The following ZNF407 variants were observed in gnomAD, a reference collection of about 807,000 sequenced individuals.
ZNF407 encodes zinc finger protein 407.
ZNF407 carries 17 observed loss-of-function variants against 131.2 expected under a neutral mutation model. That is an observed-to-expected ratio of 0.13 (90% CI 0.09 to 0.19). ZNF407 has a LOEUF of 0.19. Ranked by LOEUF, ZNF407 falls within the 10% of genes least tolerant of loss-of-function variation. The pLI is 1.00. For synonymous variants in ZNF407, 1,156 were observed against 1,062.0 expected (o/e 1.09, Z -1.72); for missense variants, 2,681 against 2,830.6 (o/e 0.95, Z 1.20).
chr18:74,810,311 T>C (rs1216880634), intron 4 of ZNF407, among the ~76,000 whole-genome samples: 1 of 151,156 alleles, frequency 6.6e-6, no homozygotes, highest in South Asian at 2.1e-4. Context: ...TAAATCTGAG[T>C]GCCAAAAGTT....
intron 3 of ZNF407, among the ~76,000 whole-genome samples, chr18:74,652,725 C>T (rs1030770342): frequency 1.3e-5 from 2 of 149,672 alleles, no homozygotes; most frequent in African/African-American, 5.0e-5. Flanking sequence ...TCTGAAAAAT[C>T]AAAACAAAGA....
intron 3 of ZNF407, among the ~76,000 whole-genome samples, chr18:74,693,866 T>C (rs1967287647): frequency 6.6e-6 from 1 of 152,216 alleles, no homozygotes; most frequent in Non-Finnish European, 1.5e-5. Flanking sequence ...TTCAGTTGTG[T>C]ATATATTAGC....
chr18:74,664,775 A>T lies in ZNF407; in HGVS notation c.4802+23653A>T, dbSNP rs558865488. Reference sequence around the variant, plus strand: ...ACCCTCTCTTATAGCATAGAATCCCAGTGCATCTGTTTTTGGCGCTGCGTA... The same window carrying T: ...ACCCTCTCTTATAGCATAGAATCCCTGTGCATCTGTTTTTGGCGCTGCGTA... On this transcript the variant is annotated intron_variant, in intron 3 of 8. Coordinates refer to ENST00000299687, the MANE Select transcript of ZNF407 (RefSeq NM_017757.3). 2.0e-4 allele frequency among the ~76,000 whole-genome samples: 30 copies of T among 151,732 alleles called. No homozygotes were observed. The South Asian group carries it at 5.8e-3, about 30-fold the overall frequency.
chr18:74,815,512 G>A (rs1454535890), intron 4 of ZNF407, among the ~76,000 whole-genome samples: 1 of 151,876 alleles, frequency 6.6e-6, no homozygotes, highest in African/African-American at 2.4e-5. Flanking sequence ...TTTATTTTGG[G>A]GGCTTATCCC....
At chr18:74,998,152 T>C (rs1398804731) in intron 8 of ZNF407, among the ~76,000 whole-genome samples, 1 of 152,168 alleles carries the variant, frequency 6.6e-6, no homozygotes, top group Non-Finnish European at 1.5e-5. Flanking sequence ...AGCTGCACAG[T>C]TAAGAATCCT....
chr18:74,922,487 AAAAG>A (rs1971859336), intron 8 of ZNF407, among the ~76,000 whole-genome samples: 1 of 152,270 alleles, frequency 6.6e-6, no homozygotes, highest in Non-Finnish European at 1.5e-5. Context: ...ATCTTTAAAA[AAAAG>A]AAGACTGTAA....
At chr18:74,904,505 A>G (rs899503154) in intron 7 of ZNF407, among the ~76,000 whole-genome samples, 3 of 152,196 alleles carry the variant, frequency 2.0e-5, no homozygotes, top group Non-Finnish European at 2.9e-5. Context: ...TTGTGTTTGA[A>G]TCACTGCACA....
At chr18:74,862,921 CT>C (rs34268986) in intron 4 of ZNF407, among the ~76,000 whole-genome samples, 627 of 138,476 alleles carry the variant, frequency 4.5e-3, no homozygotes, top group Non-Finnish European at 5.7e-3. Flanking sequence ...TTATTTCTCA[CT>C]TTTTTTTTTT....
At chr18:74,977,774 G>T (rs754477927) in intron 8 of ZNF407, among the ~76,000 whole-genome samples, 3 of 152,206 alleles carry the variant, frequency 2.0e-5, no homozygotes, top group Non-Finnish European at 2.9e-5. Context: ...GTGCCAGTAT[G>T]ACTCGGAGTA....
intron 3 of ZNF407, among the ~76,000 whole-genome samples, chr18:74,687,009 T>C (rs1456576211): frequency 6.6e-6 from 1 of 152,188 alleles, no homozygotes; most frequent in Non-Finnish European, 1.5e-5. Context: ...CTGGTTCTCA[T>C]GGAATTTACA....
chr18:74,947,249 G>T (rs559651992), intron 8 of ZNF407, among the ~76,000 whole-genome samples: 3 of 152,076 alleles, frequency 2.0e-5, no homozygotes, highest in Admixed American at 6.5e-5. Context: ...CCTCCCCTCC[G>T]CCCAGTGAAT....
chr18:74,803,383 A>T (rs1285944241), intron 4 of ZNF407, among the ~76,000 whole-genome samples: 2 of 152,170 alleles, frequency 1.3e-5, no homozygotes, highest in Non-Finnish European at 2.9e-5. Context: ...CCTGTCATCG[A>T]TAGGGAGACC....
At chr18:74,684,207 A>G (rs540628055) in intron 3 of ZNF407, among the ~76,000 whole-genome samples, 10 of 152,122 alleles carry the variant, frequency 6.6e-5, no homozygotes, top group Non-Finnish European at 1.2e-4. Flanking sequence ...TAAATTTTTC[A>G]AAAGGAAAAA....
At chr18:74,974,617 A>G (rs1476450593) in intron 8 of ZNF407, among the ~76,000 whole-genome samples, 2 of 152,232 alleles carry the variant, frequency 1.3e-5, no homozygotes, top group Non-Finnish European at 2.9e-5. Context: ...TACATAGTGA[A>G]AACTACCAAT....
intron 8 of ZNF407, among the ~76,000 whole-genome samples, chr18:74,984,214 G>T (rs1388141351): frequency 1.3e-5 from 2 of 152,120 alleles, no homozygotes; most frequent in East Asian, 3.9e-4. Context: ...CACTCCCAGC[G>T]AGCCTCGCCT....
intron 2 of ZNF407, among the ~76,000 whole-genome samples, chr18:74,636,820 A>G (rs1459390982): frequency 2.0e-5 from 3 of 152,228 alleles, no homozygotes; most frequent in African/African-American, 4.8e-5. Context: ...CACTGCAGCC[A>G]TTTTTGGGGA....
At chr18:74,798,033 C>T (rs769582116) in intron 4 of ZNF407, among the ~76,000 whole-genome samples, 10 of 151,946 alleles carry the variant, frequency 6.6e-5, no homozygotes, top group East Asian at 3.8e-4. Flanking sequence ...TGGGGAAAGG[C>T]GCAAACGCAT....
chr18:74,829,072 A>T (rs2078644051), intron 4 of ZNF407, among the ~76,000 whole-genome samples: 1 of 152,232 alleles, frequency 6.6e-6, no homozygotes. Context: ...ACTTAATTAC[A>T]TGGGAAAATT....
At position 74,633,417 on chromosome 18, in the gene ZNF407, C is replaced by T. The variant is rs1479299694; in HGVS notation, c.2398C>T (p.His800Tyr). 1.2e-6 allele frequency: 2 copies of T among 1,613,818 alleles called. No homozygotes were observed. Among genetic ancestry groups the T allele is most frequent in the South Asian group, 2.2e-5 (2 of 91,066 alleles). ...TTCCGGAAATGGAAGGATTGAAGGC[C>T]ATATAGGTGTGCAATTACAAGAGCA... ...DVSGNGRIEGHIGVQLQEHSY... is the reference protein window; with the variant it reads ...DVSGNGRIEGYIGVQLQEHSY... Residue 800 changes from histidine (H) to tyrosine (Y), a missense_variant, in exon 2 of 9, where the codon CAT becomes TAT. Physicochemically the swap from His to Tyr is moderately conservative, Grantham distance 83 (BLOSUM62 2). Coordinates refer to ENST00000299687, the MANE Select transcript of ZNF407 (RefSeq NM_017757.3).
Sources: gnomAD v4.1 joint callset for allele counts (sites outside exome capture counted in the v4.1 genomes callset) on GRCh38, gnomAD v4.1.1 for gene constraint, MANE v1.5 for transcripts, NCBI Gene and HGNC (gene_info 2026-07-23, HGNC 2026-07-21) for gene names.